Variants in NDUFAF6 observed in about 807,000 individuals in gnomAD.
The protein encoded by NDUFAF6 is NADH:ubiquinone oxidoreductase complex assembly factor 6.
A neutral mutation model predicts 40.8 loss-of-function variants in NDUFAF6; 45 were observed. The ratio of observed to expected loss-of-function variants is 1.10; its 90% confidence interval spans 0.87 to 1.42. The LOEUF is 1.42. NDUFAF6 is among the 40% of genes most tolerant of loss of function. The probability of loss-of-function intolerance (pLI) is 0.00; values close to 1 mark genes in which losing one functional copy is unlikely to be tolerated. For missense variants in NDUFAF6, 435 were observed against 418.5 expected (o/e 1.04, Z -0.34); for synonymous variants, 185 against 155.9 (o/e 1.19, Z -1.39).
At chr8:95,009,976 G>T (rs1337650843) in intron 2 of NDUFAF6, among the ~76,000 whole-genome samples, 1 of 152,140 alleles carries the variant, frequency 6.6e-6, no homozygotes, top group Non-Finnish European at 1.5e-5. Flanking sequence ...CAAGTACACT[G>T]TATCAAATTA....
chr8:95,060,020 A>T (rs934627692), downstream of NDUFAF6, among the ~76,000 whole-genome samples: 2 of 124,670 alleles, frequency 1.6e-5, no homozygotes, highest in African/African-American at 2.8e-5. Context: ...GTTCCTTTCT[A>T]AGGGTCTTAA....
chr8:94,921,499 T>C (rs1214946908), intron 1 of NDUFAF6, among the ~76,000 whole-genome samples: 1 of 152,150 alleles, frequency 6.6e-6, no homozygotes, highest in Non-Finnish European at 1.5e-5. Context: ...GAGGGAGAAA[T>C]AGATCCCTAG....
intron 8 of NDUFAF6, among the ~76,000 whole-genome samples, 179 bp downstream of exon 8, chr8:95,052,409 C>G (rs1251847272): frequency 6.6e-6 from 1 of 152,112 alleles, no homozygotes; most frequent in Non-Finnish European, 1.5e-5. Context: ...TTCTGTATTT[C>G]TCAGAGGCAG....
chr8:94,990,876 A>G (rs1486370550), intron 2 of NDUFAF6, among the ~76,000 whole-genome samples: 1 of 152,254 alleles, frequency 6.6e-6, no homozygotes, highest in African/African-American at 2.4e-5. Flanking sequence ...GATGAACTCC[A>G]GGTTTCCCCA....
intron 1 of NDUFAF6, among the ~76,000 whole-genome samples, chr8:95,031,236 G>T (rs976122189): frequency 2.6e-5 from 4 of 152,180 alleles, no homozygotes; most frequent in African/African-American, 9.7e-5. Flanking sequence ...TGGGGTGGGG[G>T]CTGGGGGCAT....
chr8:94,973,721 A>G (rs1481178087), intron 1 of NDUFAF6, among the ~76,000 whole-genome samples: 1 of 151,604 alleles, frequency 6.6e-6, no homozygotes, highest in Non-Finnish European at 1.5e-5. Flanking sequence ...AAAAAAAAAA[A>G]AAAGAAAGTG....
intron 2 of NDUFAF6, among the ~76,000 whole-genome samples, chr8:95,085,384 C>T (rs1563860965): frequency 2.6e-5 from 4 of 152,284 alleles, no homozygotes; most frequent in Middle Eastern, 3.4e-3. Flanking sequence ...GAAAATCCTA[C>T]GTACTATGGT....
At chr8:95,036,213 A>G in intron 3 of NDUFAF6, 2 of 1,079,170 alleles carry the variant, frequency 1.9e-6, no homozygotes, top group Non-Finnish European at 1.2e-6. Context: ...ATAAGCAGCC[A>G]CACATGGCTT....
At chr8:94,923,544 C>A (rs1819643920) in intron 1 of NDUFAF6, among the ~76,000 whole-genome samples, 1 of 152,182 alleles carries the variant, frequency 6.6e-6, no homozygotes, top group Non-Finnish European at 1.5e-5. Flanking sequence ...TTTTTATCCA[C>A]CCTCTGTAAG....
At chr8:95,016,377 C>T (rs1428888805) in intron 2 of NDUFAF6, among the ~76,000 whole-genome samples, 1 of 151,830 alleles carries the variant, frequency 6.6e-6, no homozygotes, top group East Asian at 1.9e-4. Context: ...AAAGTTAATT[C>T]TTGGAAGTTC....
chr8:95,079,644 C>A (rs1276159394), downstream of NDUFAF6, among the ~76,000 whole-genome samples: 1 of 151,446 alleles, frequency 6.6e-6, no homozygotes, highest in African/African-American at 2.4e-5. Flanking sequence ...AACTATAGGA[C>A]CAAACTCTTA....
chr8:94,905,887 C>T lies in NDUFAF6; in HGVS notation c.-936+9960C>T, dbSNP rs140075856. Reference sequence around the variant, plus strand: ...GATTACTGTGCTGGTTTGGGGGTGACGCCACACACAATGTGAAATTTGTAA... The same window carrying T: ...GATTACTGTGCTGGTTTGGGGGTGATGCCACACACAATGTGAAATTTGTAA... On this transcript the variant is annotated intron_variant, in intron 1 of 14. Transcript: ENST00000396113. Among the ~76,000 whole-genome samples the T allele has an allele frequency of 1.4e-4, 21 of 152,282 alleles. No individual in the cohort carries two copies. The East Asian group carries it at 3.3e-3, about 24-fold the overall frequency.
chr8:95,017,099 ATTTT>A (rs781650429), intron 2 of NDUFAF6, among the ~76,000 whole-genome samples: 6 of 111,902 alleles, frequency 5.4e-5, no homozygotes, highest in Non-Finnish European at 1.1e-4. Context: ...TGCCCAGCTA[ATTTT>A]TTTTTTTTTT....
downstream of NDUFAF6, among the ~76,000 whole-genome samples, chr8:95,080,718 C>T (rs973334445): frequency 1.4e-5 from 2 of 145,698 alleles, no homozygotes; most frequent in African/African-American, 5.1e-5. Flanking sequence ...TCATGTTGCC[C>T]GCTGGTCTCA....
chr8:95,025,043 C>G lies in NDUFAF6; in HGVS notation c.35C>G (p.Pro12Arg), dbSNP rs528386463. The G allele has an allele frequency of 7.4e-5, 105 of 1,418,770 alleles. 1 individual carries two copies. The South Asian group carries it at 1.6e-3, about 21-fold the overall frequency. The allele number at this position is 1,418,770 out of a possible 1,614,324, so 87.9% of individuals were successfully genotyped here. The stretch of plus-strand genomic sequence containing the variant: ...TCCGCGCACGGCTCTGTCTGGGGGC[C>G]GTTGCGGCTTGGCATCCCCGGCCTG... ...AASAHGSVWG[P>R]LRLGIPGLCC... The change falls in exon 1 of 9, where the codon CCG becomes CGG. Residue 12 changes from proline to arginine, a missense_variant. Transcript: ENST00000396124.
In NDUFAF6 at chr8:94,917,443, G is replaced by A. The variant is rs116181670; in HGVS notation, c.-936+21516G>A. 8.4e-3 allele frequency among the ~76,000 whole-genome samples: 1,273 copies of A among 152,256 alleles called. 21 individuals carry two copies. Among genetic ancestry groups the A allele is most frequent in the African/African-American group, 0.029 (1,204 of 41,548 alleles). ...ATTTACCTCCTAATATAACAATTGC[G>A]AAATAGAAATTAATGTAAGTTCTGC... On this transcript the variant is annotated intron_variant, in intron 1 of 14. Transcript: ENST00000396113.
chr8:95,013,403 C>G (rs10111300), intron 2 of NDUFAF6, among the ~76,000 whole-genome samples: 21,842 of 152,240 alleles, frequency 0.14, 1,592 homozygotes, highest in Middle Eastern at 0.25. Context: ...ACTGCTCCCA[C>G]ACTGATAGAG....
chr8:94,907,671 A>G (rs1200967629), intron 1 of NDUFAF6, among the ~76,000 whole-genome samples: 2 of 152,224 alleles, frequency 1.3e-5, no homozygotes, highest in Non-Finnish European at 2.9e-5. Flanking sequence ...AGTTCTGATA[A>G]GGGGAACTGA....
At chr8:95,012,531 T>C (rs1827266402) in intron 2 of NDUFAF6, among the ~76,000 whole-genome samples, 1 of 152,188 alleles carries the variant, frequency 6.6e-6, no homozygotes, top group Non-Finnish European at 1.5e-5. Flanking sequence ...ACCTTTAGGC[T>C]GGTTACAGTG....
Sources: allele counts gnomAD v4.1 joint callset (sites outside exome capture counted in the v4.1 genomes callset), GRCh38; gene constraint gnomAD v4.1.1; transcripts MANE v1.5; gene names NCBI Gene and HGNC (gene_info 2026-07-23, HGNC 2026-07-21).